The following CFAP73 variants were observed in gnomAD, a reference collection of about 807,000 sequenced individuals.
CFAP73 encodes cilia and flagella associated protein 73.
In CFAP73, 33 loss-of-function variants were observed where a neutral mutation model predicts 42.9. The ratio of observed to expected loss-of-function variants is 0.77; its 90% CI spans 0.58 to 1.03. The LOEUF is 1.03. Ranked by LOEUF, CFAP73 falls within the 50% of genes least tolerant of loss-of-function variation. The pLI is 0.00. For synonymous variants in CFAP73, 162 were observed against 186.8 expected (o/e 0.87, Z 1.08); for missense variants, 392 against 411.9 (o/e 0.95, Z 0.42).
At chr12:113,153,157 C>T (rs1277576807) in intron 3 of CFAP73, 51 bp from the exon 4 acceptor site, 6 of 1,426,946 alleles carry the variant, frequency 4.2e-6, no homozygotes, top group Non-Finnish European at 5.5e-6. Flanking sequence ...GCCGAACTCC[C>T]CGCCAGCTCC....
chr12:113,152,134 T>C, intron 2 of CFAP73, 111 bp downstream of exon 2: 2 of 723,876 alleles, frequency 2.8e-6, no homozygotes, highest in South Asian at 3.5e-5. Context: ...CAAGCCTTGA[T>C]TTCCTCATCG....
Position 113,154,383 on chromosome 12 carries a change from A to C in CFAP73, c.469-31A>C. On this transcript the variant is annotated intron_variant, in intron 4 of 7. Coordinates refer to ENST00000335621, the MANE Select transcript of CFAP73 (RefSeq NM_001144872.3). This position sits in a 1 kb window ranked among gnomAD's most constrained non-coding sequence, Gnocchi z 4.7. The stretch of plus-strand genomic sequence containing the variant: ...GGAGAGGGTAAGGCACTGCAGGCCC[A>C]TGTGAGTCCCTTCCCCGCCCCCGAC... 1 of 1,547,824 alleles carries C rather than the reference A, an allele frequency of 6.5e-7. No individual in the cohort carries two copies. Among genetic ancestry groups the C allele is most frequent in the Non-Finnish European group, 8.7e-7 (1 of 1,145,766 alleles).
At chr12:113,153,507 A>G (rs1952085657) in intron 4 of CFAP73, 99 bp downstream of exon 4, 2 of 988,924 alleles carry the variant, frequency 2.0e-6, no homozygotes, top group Non-Finnish European at 2.8e-6. Flanking sequence ...TCGCTGAACT[A>G]CTGGAGATCT....
chr12:113,151,961 C>T lies in CFAP73; in HGVS notation c.100C>T (p.Arg34Cys), dbSNP rs917191752. Reference protein sequence around the residue: ...QAEDHVPPVLRLLEKRQELVD... With the variant: ...QAEDHVPPVLCLLEKRQELVD... ...TGAGGATCATGTCCCACCAGTACTG[C>T]GTCTCCTGGAGAAGAGGCAAGAGCT... is the stretch of plus-strand genomic sequence containing the variant. The change falls in exon 2 of 8, where the codon CGT (arginine) becomes TGT (cysteine). Residue 34 changes from arginine (R) to cysteine (C), a missense_variant. Coordinates refer to ENST00000335621, the MANE Select transcript of CFAP73 (RefSeq NM_001144872.3). The T allele has an allele frequency of 1.6e-5, 25 of 1,551,574 alleles. No homozygotes were observed. The highest frequency in any genetic ancestry group is 4.8e-5 in the South Asian group (4 of 84,062).
Position 113,152,834 on chromosome 12 carries a change from C to T in CFAP73, c.214C>T (p.Gln72Ter), listed in dbSNP as rs1289288178. 6.4e-7 allele frequency: 1 copy of T among 1,551,650 alleles called. No individual in the cohort carries two copies. Among genetic ancestry groups the T allele is most frequent in the Non-Finnish European group, 8.7e-7 (1 of 1,146,986 alleles). The change falls in exon 3 of 8, where the codon CAA becomes TAA. Residue 72 changes from glutamine (Q) to a stop codon, truncating the protein, a stop_gained. Coordinates refer to ENST00000335621, the MANE Select transcript of CFAP73 (RefSeq NM_001144872.3). LOFTEE classifies it high-confidence loss of function. ...ALKQRWEQLE[Q>*]KERELKGSFI... ...GAAACAGCGTTGGGAACAGCTGGAA[C>T]AAAAGGAGCGGGAGCTAAAGGGATC...
In CFAP73 at chr12:113,154,102, A is replaced by G. The variant is rs1013103501; in HGVS notation, c.469-312A>G. Among the ~76,000 whole-genome samples the G allele has an allele frequency of 3.9e-5, 6 of 152,074 alleles. No individual in the cohort carries two copies. The highest frequency in any genetic ancestry group is 5.9e-5 in the Non-Finnish European group (4 of 68,012). On this transcript the variant is annotated intron_variant, in intron 4 of 7. Coordinates refer to ENST00000335621, the MANE Select transcript of CFAP73 (RefSeq NM_001144872.3). The surrounding 1 kb of genome is among the most constrained non-coding windows in gnomAD (Gnocchi z 4.7). ...GGAGTTCGAGACCAGTCTGGGTAACATAGAGTGACACCTGTCTCTACAAAA... is the reference window on the plus strand; with the variant it reads ...GGAGTTCGAGACCAGTCTGGGTAACGTAGAGTGACACCTGTCTCTACAAAA...
At position 113,158,817 on chromosome 12, in the gene CFAP73, A is replaced by G; in HGVS notation, c.*128A>G. ...GGCCAGGCACACAGTGGTGCACGGG[A>G]ACGTCTGCTGATGCCCACCCTAAGG... is the stretch of plus-strand genomic sequence containing the variant. On this transcript the variant is annotated 3_prime_UTR_variant, in exon 8 of 8. Transcript: ENST00000335621. The surrounding 1 kb of genome is among the most constrained non-coding windows in gnomAD (Gnocchi z 4.9). 1 of 1,511,364 alleles carries G rather than the reference A, an allele frequency of 6.6e-7. No homozygotes were observed. The highest frequency in any genetic ancestry group is 1.3e-5 in the South Asian group (1 of 76,288). 93.6% of individuals were successfully genotyped at this position (1,511,364 alleles called of 1,614,324 possible).
chr12:113,151,233 G>T (rs1952058815), intron 1 of CFAP73, among the ~76,000 whole-genome samples: 1 of 152,096 alleles, frequency 6.6e-6, no homozygotes, highest in Non-Finnish European at 1.5e-5. Flanking sequence ...TGTAATCCCG[G>T]CACTTTGGGA....
In CFAP73 at chr12:113,153,288, G is replaced by T. The variant is rs776401365; in HGVS notation, c.348G>T (p.Ala116=). 12 of 1,518,850 alleles carry T rather than the reference G, an allele frequency of 7.9e-6. No individual in the cohort carries two copies. The highest frequency in any genetic ancestry group is 7.0e-5 in the African/African-American group (5 of 71,124). 94.1% of individuals were successfully genotyped at this position (1,518,850 alleles called of 1,614,324 possible). A position where few individuals can be genotyped will look rare whatever the true frequency, so the allele number is the denominator to read the frequency against. Residue 116 remains alanine (A), a synonymous_variant, in exon 4 of 8, where the codon GCG becomes GCT. Transcript: ENST00000335621. ...AGGCGGGCCGTCGGGAGGTGGAGGC[G>T]CTGCGTCTGTGGACCCAGCTCCAGG... ...RHQAGRREVE[A]LRLWTQLQEL... is the part of the protein sequence containing the mutation.
chr12:113,155,871 C>T (rs529923796), intron 6 of CFAP73, among the ~76,000 whole-genome samples: 20 of 152,068 alleles, frequency 1.3e-4, no homozygotes, highest in Non-Finnish European at 2.9e-4. Context: ...CCTCAGCTTC[C>T]GCAGGGAGGG....
Position 113,154,475 on chromosome 12 carries a change from T to C in CFAP73, c.530T>C (p.Leu177Pro). ...GGCCTGGCCGAGACGCAGGCGGCGC[T>C]GAGGCTCAGGGAGCGCGAGCAGCTC... The part of the protein sequence containing the change: ...FDGLAETQAA[L>P]RLREREQLAE... The change falls in exon 5 of 8, where the codon CTG (leucine) becomes CCG (proline). Residue 177 changes from leucine to proline, a missense_variant. Transcript: ENST00000335621. This position sits in a 1 kb window ranked among gnomAD's most constrained non-coding sequence, Gnocchi z 4.7. The C allele has an allele frequency of 6.5e-7, 1 of 1,544,974 alleles. No individual in the cohort carries two copies. The highest frequency in any genetic ancestry group is 2.5e-5 in the East Asian group (1 of 40,404).
chr12:113,151,913 T>G lies in CFAP73; in HGVS notation c.57-5T>G. ...CACCCCCACCTCCTACTTGAGCCTC[T>G]TCAGAAAGCTGCCAGAGCAGGCTGA... On this transcript the variant is annotated splice_polypyrimidine_tract_variant and splice_region_variant and intron_variant, in intron 1 of 7. Coordinates refer to ENST00000335621, the MANE Select transcript of CFAP73 (RefSeq NM_001144872.3). 1 of 1,550,126 alleles carries G rather than the reference T, an allele frequency of 6.5e-7. No homozygotes were observed.
rs1952102447 is a variant in CFAP73, at chr12:113,154,819, G to A, written c.690+184G>A. 1.3e-5 allele frequency among the ~76,000 whole-genome samples: 2 copies of A among 152,250 alleles called. No homozygotes were observed. The highest frequency in any genetic ancestry group is 4.1e-4 in the South Asian group (2 of 4,834). On this transcript the variant is annotated intron_variant, in intron 5 of 7. Transcript: ENST00000335621. This position sits in a 1 kb window ranked among gnomAD's most constrained non-coding sequence, Gnocchi z 4.7. Reference sequence around the variant, plus strand: ...GCATGAGGCCCCGCCCCATCCGCCTGCACAAGGCTCCTGCACCCCACTCCC... The same window carrying A: ...GCATGAGGCCCCGCCCCATCCGCCTACACAAGGCTCCTGCACCCCACTCCC...
intron 6 of CFAP73, chr12:113,157,328 T>C: frequency 2.1e-6 from 1 of 481,520 alleles, no homozygotes; most frequent in Non-Finnish European, 3.7e-6. Context: ...TTGATGTAAA[T>C]GAAAATACTA....
At chr12:113,149,998 T>G in intron 1 of CFAP73, 85 bp downstream of exon 1, 1 of 1,380,698 alleles carries the variant, frequency 7.2e-7, no homozygotes, top group Non-Finnish European at 1.0e-6. Context: ...ACCTCCTGGG[T>G]CCTGGCTTTG....
Position 113,149,796 on chromosome 12 carries a change from G to A in CFAP73, c.-62G>A. On this transcript the variant is annotated 5_prime_UTR_variant, in exon 1 of 8. Transcript: ENST00000335621. ...CACCACGCTCCACAGAACCCCCAGG[G>A]TCTCCTAAGCTTGTGCAAAACTCCA... 3 of 1,511,516 alleles carry A rather than the reference G, an allele frequency of 2.0e-6. No homozygotes were observed. Among genetic ancestry groups the A allele is most frequent in the Non-Finnish European group, 2.7e-6 (3 of 1,111,340 alleles). The allele number at this position is 1,511,516 out of a possible 1,614,324, so 93.6% of individuals were successfully genotyped here. A position where few individuals can be genotyped will look rare whatever the true frequency, so the allele number is the denominator to read the frequency against.
In CFAP73 at chr12:113,158,762, T is replaced by G; in HGVS notation, c.*73T>G. On this transcript the variant is annotated 3_prime_UTR_variant, in exon 8 of 8. Transcript: ENST00000335621. This position sits in a 1 kb window ranked among gnomAD's most constrained non-coding sequence, Gnocchi z 4.9. ...GCTCCTTTTCACAGATGATGGCTCC[T>G]GCAGGGAGTGCCCCCAGTGCCCAGC... 8.5e-7 allele frequency: 1 copy of G among 1,183,218 alleles called. No homozygotes were observed. Among genetic ancestry groups the G allele is most frequent in the Non-Finnish European group, 1.2e-6 (1 of 855,868 alleles). The allele number at this position is 1,183,218 out of a possible 1,614,324, so 73.3% of individuals were successfully genotyped here. A position where few individuals can be genotyped will look rare whatever the true frequency, so the allele number is the denominator to read the frequency against.
intron 1 of CFAP73, 40 bp downstream of exon 1, chr12:113,149,953 C>T (rs1592987920): frequency 1.3e-6 from 2 of 1,522,718 alleles, no homozygotes; most frequent in East Asian, 4.9e-5. Flanking sequence ...AGAAGGAGGG[C>T]GGGAATGCGT....
chr12:113,155,485 A>C, intron 6 of CFAP73, 67 bp downstream of exon 6: 2 of 1,450,490 alleles, frequency 1.4e-6, no homozygotes, highest in Non-Finnish European at 1.9e-6. Flanking sequence ...TGAGCCTAAA[A>C]CCCCACAGTT....
Sources: allele counts gnomAD v4.1 joint callset (sites outside exome capture counted in the v4.1 genomes callset), GRCh38; gene constraint gnomAD v4.1.1; non-coding constraint Gnocchi (gnomAD v3.1); transcripts MANE v1.5; gene names NCBI Gene and HGNC (gene_info 2026-07-23, HGNC 2026-07-21).